CELF2: variants seen among roughly 807,000 people sequenced by gnomAD.
CELF2 encodes CUG triplet repeat RNA-binding protein 2.
In CELF2, 8 loss-of-function variants were observed where a neutral mutation model predicts 62.6. That is an observed-to-expected ratio of 0.13 (90% CI 0.07 to 0.23). CELF2 has a LOEUF of 0.23. Ranked by LOEUF, CELF2 falls within the 10% of genes least tolerant of loss-of-function variation. The pLI, the probability that CELF2 is intolerant of heterozygous loss-of-function variation, is 1.00. For synonymous variants in CELF2, 258 were observed against 250.0 expected, an observed-to-expected ratio of 1.03 and a Z score of -0.30; for missense variants, 333 against 671.0, an observed-to-expected ratio of 0.50 and a Z score of 5.56.
intron 1 of CELF2, among the ~76,000 whole-genome samples, chr10:11,034,194 T>G (rs1390466849): frequency 6.6e-6 from 1 of 152,214 alleles, no homozygotes; most frequent in Non-Finnish European, 1.5e-5. Context: ...AAGTTTAAAA[T>G]GAAGAAAGAG....
the CELF2 span, among the ~76,000 whole-genome samples, chr10:10,618,237 G>A: frequency 6.6e-6 from 1 of 151,840 alleles, no homozygotes; most frequent in Admixed American, 6.6e-5. Context: ...TCAATTTTTG[G>A]CTCCCTGACC....
chr10:10,598,295 T>C, the CELF2 span, among the ~76,000 whole-genome samples: 1 of 152,212 alleles, frequency 6.6e-6, no homozygotes, highest in Admixed American at 6.5e-5. Flanking sequence ...CAGTTCCTCC[T>C]CAGAAAAGGC....
intron 3 of CELF2, among the ~76,000 whole-genome samples, chr10:11,245,225 C>T (rs554821657): frequency 3.3e-5 from 5 of 152,202 alleles, no homozygotes; most frequent in Non-Finnish European, 7.3e-5. Context: ...CTCAAGAAAT[C>T]TCCCAAAGTT....
At chr10:11,021,810 A>T (rs529225642) in intron 1 of CELF2, among the ~76,000 whole-genome samples, 2 of 152,218 alleles carry the variant, frequency 1.3e-5, no homozygotes, top group Non-Finnish European at 2.9e-5. Flanking sequence ...AAAGGATATG[A>T]CATACCCTTT....
chr10:10,759,720 A>G, the CELF2 span, among the ~76,000 whole-genome samples: 1 of 152,120 alleles, frequency 6.6e-6, no homozygotes, highest in East Asian at 1.9e-4. Context: ...TGATTCTTCT[A>G]GCAGTTTTAT....
intron 2 of CELF2, among the ~76,000 whole-genome samples, chr10:11,195,215 T>A (rs1453774684): frequency 6.6e-6 from 1 of 152,240 alleles, no homozygotes; most frequent in Non-Finnish European, 1.5e-5. Flanking sequence ...ACTTTTACTG[T>A]CCTCTTGCGA....
chr10:10,815,540 T>C (rs1271708774), intron 1 of CELF2, among the ~76,000 whole-genome samples: 2 of 152,198 alleles, frequency 1.3e-5, no homozygotes, highest in Non-Finnish European at 2.9e-5. Flanking sequence ...AGGCAGCAAA[T>C]GTGGTTTTCC....
chr10:11,068,224 A>C (rs1452572037), intron 1 of CELF2, among the ~76,000 whole-genome samples: 2 of 152,232 alleles, frequency 1.3e-5, no homozygotes, highest in African/African-American at 4.8e-5. Flanking sequence ...ACATTGACCA[A>C]ATACTCATAC....
At chr10:11,240,431 C>T (rs1262088515) in intron 3 of CELF2, among the ~76,000 whole-genome samples, 1 of 152,204 alleles carries the variant, frequency 6.6e-6, no homozygotes, top group Non-Finnish European at 1.5e-5. Context: ...TGTTTCCTCT[C>T]ACACTTCTCA....
At chr10:11,044,680 G>A (rs967992964) in intron 1 of CELF2, among the ~76,000 whole-genome samples, 4 of 152,036 alleles carry the variant, frequency 2.6e-5, no homozygotes, top group Non-Finnish European at 4.4e-5. Context: ...CCAAGTACAC[G>A]ATAATAGCCT....
chr10:10,772,561 G>A, the CELF2 span, among the ~76,000 whole-genome samples: 3 of 152,212 alleles, frequency 2.0e-5, no homozygotes, highest in African/African-American at 4.8e-5. Context: ...TAGGGTCCGA[G>A]TCAATGAGCT....
rs113914621 is a variant in CELF2, at chr10:11,280,041, C to T, written c.841+4921C>T. Among the ~76,000 whole-genome samples, 1,105 of 152,258 alleles carry T rather than the reference C, an allele frequency of 7.3e-3. 16 individuals are homozygous for T. The highest frequency in any genetic ancestry group is 0.026 in the African/African-American group (1,064 of 41,534). ...GGAAAGGAACCGTTTGCCAAGCACG[C>T]GCCCTTGCCTCTCGGTCTGGTGCCC... On this transcript the variant is annotated intron_variant, in intron 8 of 12. Transcript: ENST00000633077. This position sits in a 1 kb window ranked among gnomAD's most constrained non-coding sequence, Gnocchi z 7.6.
chr10:11,318,856 G>A lies in CELF2; in HGVS notation c.1097-2333G>A, dbSNP rs1423153607. 2.1e-6 allele frequency: 1 copy of A among 471,242 alleles called. No homozygotes were observed. The highest frequency in any genetic ancestry group is 1.5e-5 in the South Asian group (1 of 64,572). 29.2% of individuals were successfully genotyped at this position (471,242 alleles called of 1,614,324 possible). On this transcript the variant is annotated intron_variant, in intron 10 of 12. Transcript: ENST00000633077. The surrounding 1 kb of genome is among the most constrained non-coding windows in gnomAD (Gnocchi z 5.4). ...GGCACTCTGGAGAAGCCGAGTCGTG[G>A]AGGCTGCACATCGCAGGAAGGATCC...
chr10:10,684,435 CA>C, the CELF2 span, among the ~76,000 whole-genome samples: 6 of 152,034 alleles, frequency 3.9e-5, no homozygotes, highest in Non-Finnish European at 1.5e-5. Flanking sequence ...TTCAGTAAAA[CA>C]AAGTTTAAAA....
chr10:10,748,844 G>A, the CELF2 span, among the ~76,000 whole-genome samples: 1 of 152,056 alleles, frequency 6.6e-6, no homozygotes, highest in Non-Finnish European at 1.5e-5. Context: ...TGAGCTGGTG[G>A]TGACTTGGAT....
intron 1 of CELF2, among the ~76,000 whole-genome samples, chr10:11,020,432 G>T (rs1471715956): frequency 6.6e-6 from 1 of 152,066 alleles, no homozygotes; most frequent in Non-Finnish European, 1.5e-5. Flanking sequence ...AGAGGTGTGT[G>T]GGGGGGAATA....
intron 9 of CELF2, among the ~76,000 whole-genome samples, chr10:11,291,444 T>C (rs2092511565): frequency 6.6e-6 from 1 of 152,208 alleles, no homozygotes; most frequent in South Asian, 2.1e-4. Flanking sequence ...CTTTGTCTCA[T>C]GGCCTTGAAA....
chr10:11,032,671 C>T (rs2060314853), intron 1 of CELF2, among the ~76,000 whole-genome samples: 2 of 115,570 alleles, frequency 1.7e-5, no homozygotes, highest in Non-Finnish European at 2.1e-5. Flanking sequence ...CAGTAGAGTC[C>T]AAACTCTTGG....
chr10:11,250,971 G>A (rs768824964), intron 4 of CELF2, among the ~76,000 whole-genome samples: 4 of 152,202 alleles, frequency 2.6e-5, no homozygotes, highest in Non-Finnish European at 5.9e-5. Context: ...AGAGGTGCGT[G>A]CTTGCAGTCT....
Sources: allele counts gnomAD v4.1 joint callset (sites outside exome capture counted in the v4.1 genomes callset), GRCh38; gene constraint gnomAD v4.1.1; non-coding constraint Gnocchi (gnomAD v3.1); transcripts MANE v1.5; gene names NCBI Gene and HGNC (gene_info 2026-07-23, HGNC 2026-07-21).